Variants in CDH10 observed in about 807,000 individuals in gnomAD.
CDH10 encodes cadherin-10.
In CDH10, 30 loss-of-function variants were observed where a neutral mutation model predicts 73.1. The observed-to-expected ratio is 0.41, with a 90% CI of 0.31 to 0.56. The LOEUF is 0.56. Ranked by LOEUF, CDH10 falls within the 20% of genes least tolerant of loss-of-function variation. The probability of loss-of-function intolerance (pLI) is 0.27; values close to 1 mark genes in which losing one functional copy is unlikely to be tolerated. For synonymous variants in CDH10, 345 were observed against 348.2 expected (o/e 0.99, Z 0.10); for missense variants, 815 against 973.7 (o/e 0.84, Z 2.17).
rs898594255 is a variant in CDH10 at position 24,641,545 on chromosome 5, G to T, written c.-124+3049C>A. Among the ~76,000 whole-genome samples the T allele has an allele frequency of 2.0e-5, 3 of 151,934 alleles. No individual in the cohort carries two copies. The South Asian group carries it at 6.2e-4, about 31-fold the overall frequency. On this transcript the variant is annotated intron_variant, in intron 1 of 11. Coordinates refer to ENST00000264463, the MANE Select transcript of CDH10 (RefSeq NM_006727.5). Reference sequence around the variant, plus strand: ...AACAATATATTTTTGTGAACTCATTGGTCTGTGTAAGTGTCAAGAAAAGAT... The same window carrying T: ...AACAATATATTTTTGTGAACTCATTTGTCTGTGTAAGTGTCAAGAAAAGAT...
chr5:24,597,120 A>G (rs1746395748), intron 1 of CDH10, among the ~76,000 whole-genome samples: 1 of 152,040 alleles, frequency 6.6e-6, no homozygotes. Context: ...ATTTAATATG[A>G]ATATCCTATG....
chr5:24,503,848 G>C (rs181115135), intron 8 of CDH10, among the ~76,000 whole-genome samples: 3 of 152,028 alleles, frequency 2.0e-5, no homozygotes, highest in Admixed American at 1.3e-4. Flanking sequence ...TGTGAACTCT[G>C]ATTAACAATA....
intron 2 of CDH10, among the ~76,000 whole-genome samples, chr5:24,547,511 T>C (rs1445147723): frequency 6.6e-6 from 1 of 152,106 alleles, no homozygotes; most frequent in East Asian, 1.9e-4. Flanking sequence ...TAAGAGTTTT[T>C]ATGGTACTGG....
chr5:24,535,288 A>C lies in CDH10; in HGVS notation c.647-9T>G, dbSNP rs1236804774. ...AGCAGTCCTGATGATACCTTGAGAA[A>C]ATATAAAAAAACTTCCATTATCTTC... is the stretch of plus-strand genomic sequence containing the variant. On this transcript the variant is annotated splice_polypyrimidine_tract_variant and intron_variant, in intron 4 of 11. Coordinates refer to ENST00000264463, the MANE Select transcript of CDH10 (RefSeq NM_006727.5). 1.3e-6 allele frequency: 2 copies of C among 1,598,020 alleles called. No individual in the cohort carries two copies. Among genetic ancestry groups the C allele is most frequent in the Admixed American group, 3.6e-5 (2 of 54,928 alleles).
chr5:24,626,875 AGTGTATATATATGTGTATATAT>A (rs1432757531), intron 1 of CDH10, among the ~76,000 whole-genome samples: 1 of 80,436 alleles, frequency 1.2e-5, no homozygotes, highest in Middle Eastern at 8.6e-3. Context: ...TGTATATATA[AGTGTATATATATGTGTATATAT>A]GTGTATATAT....
Position 24,525,167 on chromosome 5 carries a change from T to C in CDH10, c.814+9945A>G, listed in dbSNP as rs1427727024. 2.0e-5 allele frequency among the ~76,000 whole-genome samples: 3 copies of C among 152,208 alleles called. No individual in the cohort carries two copies. The East Asian group carries it at 5.8e-4, about 29-fold the overall frequency. On this transcript the variant is annotated intron_variant, in intron 5 of 11. Coordinates refer to ENST00000264463, the MANE Select transcript of CDH10 (RefSeq NM_006727.5). ...GGGAGGGCGACAAAGGCAAACTGCTTACCTCTAGGTTTTGAGTTTAGCGAC... is the reference window on the plus strand; with the variant it reads ...GGGAGGGCGACAAAGGCAAACTGCTCACCTCTAGGTTTTGAGTTTAGCGAC...
At chr5:24,601,445 T>G (rs143976647) in intron 1 of CDH10, among the ~76,000 whole-genome samples, 2,059 of 152,276 alleles carry the variant, frequency 0.014, 28 homozygotes, top group Non-Finnish European at 0.018. Flanking sequence ...AAAATTTACA[T>G]GCTAATGTCC....
At chr5:24,547,021 T>C (rs1744369152) in intron 2 of CDH10, among the ~76,000 whole-genome samples, 1 of 152,210 alleles carries the variant, frequency 6.6e-6, no homozygotes, top group African/African-American at 2.4e-5. Flanking sequence ...AAGAAAATTT[T>C]AGCCTTCAAA....
At chr5:24,547,476 A>C (rs1232023037) in intron 2 of CDH10, among the ~76,000 whole-genome samples, 1 of 152,148 alleles carries the variant, frequency 6.6e-6, no homozygotes, top group Non-Finnish European at 1.5e-5. Context: ...GGCCAAGGAA[A>C]GGGCACTTCT....
At chr5:24,601,699 A>G (rs980846692) in intron 1 of CDH10, among the ~76,000 whole-genome samples, 1 of 152,196 alleles carries the variant, frequency 6.6e-6, no homozygotes, top group South Asian at 2.1e-4. Flanking sequence ...TGCTATTCAA[A>G]TGCCCTTGAG....
intron 9 of CDH10, 101 bp from the exon 10 acceptor site, chr5:24,493,026 G>T: frequency 1.6e-6 from 1 of 629,792 alleles, no homozygotes; most frequent in Non-Finnish European, 2.9e-6. Flanking sequence ...CAAAATAATT[G>T]ACTTTTATTT....
chr5:24,490,596 G>A (rs10473688), intron 11 of CDH10, among the ~76,000 whole-genome samples: 10,514 of 152,082 alleles, frequency 0.069, 1,006 homozygotes, highest in African/African-American at 0.22. Flanking sequence ...AAGTAGAAAA[G>A]TGGAAACATC....
chr5:24,563,451 T>TA (rs34730632), intron 2 of CDH10, among the ~76,000 whole-genome samples: 5,355 of 144,526 alleles, frequency 0.037, 128 homozygotes, highest in Non-Finnish European at 0.044. Context: ...TATAGAAGCT[T>TA]AAAAAAAAAA....
chr5:24,511,278 T>A lies in CDH10; in HGVS notation c.1002+49A>T, dbSNP rs759265518. On this transcript the variant is annotated intron_variant, in intron 6 of 11. Transcript: ENST00000264463. Reference sequence around the variant, plus strand: ...CATGAGCGAAGAGTATATAATGCAATCCCTACTCCTGAAACACACAGATGC... The same window carrying A: ...CATGAGCGAAGAGTATATAATGCAAACCCTACTCCTGAAACACACAGATGC... The A allele has an allele frequency of 3.5e-6, 4 of 1,132,858 alleles. No homozygotes were observed. The East Asian group carries it at 9.4e-5, about 26-fold the overall frequency. 70.2% of individuals were successfully genotyped at this position (1,132,858 alleles called of 1,614,324 possible). A position where few individuals can be genotyped will look rare whatever the true frequency, so the allele number is the denominator to read the frequency against.
intron 1 of CDH10, among the ~76,000 whole-genome samples, chr5:24,634,240 A>G (rs773582043): frequency 1.3e-4 from 19 of 151,876 alleles, no homozygotes; most frequent in Non-Finnish European, 1.9e-4. Context: ...CTAATTTTGC[A>G]CAATGTTATT....
In CDH10 at chr5:24,487,727, C is replaced by T. The variant is rs1371278745; in HGVS notation, c.2303G>A (p.Trp768Ter). 6.2e-7 allele frequency: 1 copy of T among 1,613,662 alleles called. No individual in the cohort carries two copies. The highest frequency in any genetic ancestry group is 1.7e-4 in the Middle Eastern group (1 of 6,060). The change falls in exon 12 of 12, where the codon TGG (tryptophan) becomes TAG (stop). Residue 768 changes from tryptophan (W) to a stop codon, truncating the protein, a stop_gained. Coordinates refer to ENST00000264463, the MANE Select transcript of CDH10 (RefSeq NM_006727.5). LOFTEE classifies it high-confidence loss of function. Reference protein sequence around the residue: ...GDQNYDYLREWGPRFNKLAEM... With the variant: ...GDQNYDYLRE ...TGCTAGCTTATTAAACCGAGGGCCC[C>T]ATTCTCGGAGGTAATCGTAGTTTTG...
intron 1 of CDH10, among the ~76,000 whole-genome samples, chr5:24,620,381 A>T (rs1747272000): frequency 6.6e-6 from 1 of 152,188 alleles, no homozygotes. Context: ...GAGAAAAAAA[A>T]TTATTAAAAA....
At chr5:24,533,626 T>C (rs1456337061) in intron 5 of CDH10, among the ~76,000 whole-genome samples, 1 of 152,132 alleles carries the variant, frequency 6.6e-6, no homozygotes, top group African/African-American at 2.4e-5. Context: ...TTATGGTTTA[T>C]TGTGCTGAAT....
At chr5:24,501,845 C>T (rs1032295685) in intron 8 of CDH10, among the ~76,000 whole-genome samples, 16 of 152,026 alleles carry the variant, frequency 1.1e-4, no homozygotes, top group African/African-American at 3.9e-4. Context: ...GTGTCTATAA[C>T]AAATATGCCC....
Sources: gnomAD v4.1 joint callset for allele counts (sites outside exome capture counted in the v4.1 genomes callset) on GRCh38, gnomAD v4.1.1 for gene constraint, MANE v1.5 for transcripts, NCBI Gene and HGNC (gene_info 2026-07-23, HGNC 2026-07-21) for gene names.